FHIT: variants seen among roughly 807,000 people sequenced by gnomAD.
The protein encoded by FHIT is fragile histidine triad diadenosine triphosphatase, also known as bis(5'-adenosyl)-triphosphatase.
In FHIT, 19 loss-of-function variants were observed where a neutral mutation model predicts 17.9. The ratio of observed to expected loss-of-function variants is 1.06; its 90% CI spans 0.74 to 1.56. The LOEUF is 1.56. Among genes scored for constraint, FHIT ranks in the 40% most tolerant of loss-of-function variants. FHIT has a pLI of 0.00. For synonymous variants in FHIT, 81 were observed against 69.7 expected (o/e 1.16, Z -0.81); for missense variants, 248 against 189.2 (o/e 1.31, Z -1.82).
chr3:60,408,770 T>C (rs1276222729), intron 5 of FHIT, among the ~76,000 whole-genome samples: 1 of 152,174 alleles, frequency 6.6e-6, no homozygotes, highest in African/African-American at 2.4e-5. Flanking sequence ...ATGACTTTAA[T>C]ATTGATTAAG....
At chr3:60,557,401 A>C (rs1482404859) in intron 4 of FHIT, among the ~76,000 whole-genome samples, 1 of 151,972 alleles carries the variant, frequency 6.6e-6, no homozygotes, top group Non-Finnish European at 1.5e-5. Context: ...TGACAGGAAG[A>C]ACAAAAAAAA....
intron 5 of FHIT, among the ~76,000 whole-genome samples, chr3:60,256,068 T>C (rs1011156227): frequency 2.6e-5 from 4 of 152,170 alleles, no homozygotes; most frequent in African/African-American, 9.7e-5. Flanking sequence ...CCTTTATACC[T>C]ATGTGAGATG....
At chr3:60,606,819 C>G (rs551392228) in intron 4 of FHIT, among the ~76,000 whole-genome samples, 1 of 152,258 alleles carries the variant, frequency 6.6e-6, no homozygotes, top group South Asian at 2.1e-4. Context: ...CATCTTGATA[C>G]TTTCCTGTTT....
At chr3:60,589,503 C>A (rs1302372475) in intron 4 of FHIT, among the ~76,000 whole-genome samples, 1 of 152,054 alleles carries the variant, frequency 6.6e-6, no homozygotes, top group East Asian at 1.9e-4. Context: ...ATGTATTTGA[C>A]CAGTTCACTT....
intron 5 of FHIT, among the ~76,000 whole-genome samples, chr3:60,084,350 C>T (rs1431774880): frequency 1.3e-5 from 2 of 152,106 alleles, no homozygotes; most frequent in Admixed American, 1.3e-4. Context: ...ATCCATTTCC[C>T]CAGTTCCAAC....
chr3:59,961,040 G>A (rs1707652327), intron 7 of FHIT, among the ~76,000 whole-genome samples: 2 of 152,190 alleles, frequency 1.3e-5, no homozygotes, highest in African/African-American at 4.8e-5. Context: ...GTCCGAAAGT[G>A]GTTTGCGGAT....
At chr3:60,386,294 C>T (rs932050957) in intron 5 of FHIT, among the ~76,000 whole-genome samples, 9 of 152,124 alleles carry the variant, frequency 5.9e-5, no homozygotes, top group African/African-American at 1.9e-4. Flanking sequence ...GAGCCGCAAC[C>T]ACCATCTGTG....
intron 3 of FHIT, among the ~76,000 whole-genome samples, chr3:60,982,112 T>G (rs902750265): frequency 6.6e-6 from 1 of 152,188 alleles, no homozygotes; most frequent in Non-Finnish European, 1.5e-5. Context: ...AGGGATCTTG[T>G]AAAAAGACTA....
At chr3:61,147,562 T>A (rs2037261205) in intron 2 of FHIT, among the ~76,000 whole-genome samples, 1 of 151,994 alleles carries the variant, frequency 6.6e-6, no homozygotes, top group Admixed American at 6.6e-5. Flanking sequence ...CTGCATGATA[T>A]CCCCAAATTT....
chr3:61,108,293 C>G (rs2036051147), intron 2 of FHIT, among the ~76,000 whole-genome samples: 1 of 152,070 alleles, frequency 6.6e-6, no homozygotes, highest in African/African-American at 2.4e-5. Context: ...GTGCTGCTAC[C>G]TTAAGTAATC....
intron 8 of FHIT, among the ~76,000 whole-genome samples, chr3:59,881,205 G>A (rs17061322): frequency 0.068 from 10,290 of 152,148 alleles, 1,129 homozygotes; most frequent in African/African-American, 0.23. Context: ...CAAAATGATA[G>A]TAAGACCACC....
chr3:59,776,231 C>T (rs1702307317), intron 8 of FHIT, among the ~76,000 whole-genome samples: 1 of 152,220 alleles, frequency 6.6e-6, no homozygotes. Flanking sequence ...AGCTTTTCTG[C>T]TCCGGGGTTC....
At chr3:60,126,875 T>C (rs1376133316) in intron 5 of FHIT, among the ~76,000 whole-genome samples, 2 of 152,216 alleles carry the variant, frequency 1.3e-5, no homozygotes, top group South Asian at 2.1e-4. Context: ...ACTCACCAAC[T>C]GGCTTGTGAG....
chr3:59,931,948 T>A (rs541601521), intron 7 of FHIT, among the ~76,000 whole-genome samples: 3 of 148,896 alleles, frequency 2.0e-5, no homozygotes, highest in African/African-American at 7.5e-5. Context: ...AAATTTCAAA[T>A]TTTCAAAAAT....
chr3:60,228,445 A>G (rs1338886732), intron 5 of FHIT, among the ~76,000 whole-genome samples: 1 of 152,192 alleles, frequency 6.6e-6, no homozygotes, highest in Non-Finnish European at 1.5e-5. Flanking sequence ...ACTGAATTGC[A>G]TACTGTTAAA....
At chr3:59,985,488 T>C (rs1311920618) in intron 7 of FHIT, among the ~76,000 whole-genome samples, 1 of 152,132 alleles carries the variant, frequency 6.6e-6, no homozygotes, top group Non-Finnish European at 1.5e-5. Context: ...TGTAAGTAAG[T>C]AAAGCAATTT....
chr3:59,790,730 A>G (rs1192940402), intron 8 of FHIT, among the ~76,000 whole-genome samples: 1 of 152,126 alleles, frequency 6.6e-6, no homozygotes, highest in African/African-American at 2.4e-5. Flanking sequence ...CATTTGTGCA[A>G]TTATTTAATA....
At chr3:60,582,422 A>T (rs2037777388) in intron 4 of FHIT, among the ~76,000 whole-genome samples, 1 of 152,094 alleles carries the variant, frequency 6.6e-6, no homozygotes. Context: ...AAATTTTATA[A>T]AACATTTGTA....
chr3:61,023,683 G>T (rs1341675066), intron 3 of FHIT, among the ~76,000 whole-genome samples: 10 of 152,128 alleles, frequency 6.6e-5, no homozygotes, highest in Non-Finnish European at 4.4e-5. Flanking sequence ...AGAGGCCTGA[G>T]AAATAACACC....
Sources: allele counts gnomAD v4.1 joint callset (sites outside exome capture counted in the v4.1 genomes callset), GRCh38; gene constraint gnomAD v4.1.1; transcripts MANE v1.5; gene names NCBI Gene and HGNC (gene_info 2026-07-23, HGNC 2026-07-21).